MUC22: variants seen among roughly 807,000 people sequenced by gnomAD.
MUC22 encodes the protein mucin 22, also known as mucin-22.
MUC22 carries 24 observed loss-of-function variants against 40.3 expected under a neutral mutation model. The ratio of observed to expected loss-of-function variants is 0.60; its 90% CI spans 0.43 to 0.84. The LOEUF (loss-of-function observed/expected upper bound fraction) is 0.84. MUC22 is among the 40% of genes least tolerant of loss of function. The probability of loss-of-function intolerance (pLI) is 0.00; values close to 1 mark genes in which losing one functional copy is unlikely to be tolerated. For synonymous variants in MUC22, 765 were observed against 844.5 expected, an observed-to-expected ratio of 0.91 and a Z score of 1.63; for missense variants, 1,926 against 2,130.7, an observed-to-expected ratio of 0.90 and a Z score of 1.89.
chr6:31,034,651 G>A (rs1265240499), intron 3 of MUC22, 21 bp from the exon 4 acceptor site: 8 of 1,514,322 alleles, frequency 5.3e-6, no homozygotes, highest in African/African-American at 1.4e-5. Flanking sequence ...ATTTATCAAT[G>A]TATTTATTTT....
At chr6:31,028,747 A>G in exon 2 of MUC22, 1 of 1,531,906 alleles carries the variant, frequency 6.5e-7, no homozygotes, top group Non-Finnish European at 8.7e-7. Context: ...CTCTGAGACC[A>G]CTACAGCCTC....
exon 2 of MUC22, chr6:31,029,331 C>G: frequency 6.5e-7 from 1 of 1,530,696 alleles, no homozygotes; most frequent in Non-Finnish European, 8.7e-7. Context: ...CAGTCTATAC[C>G]ACAGGCTCTG....
chr6:31,029,375 C>T (rs201785174), exon 2 of MUC22: 1 of 1,535,280 alleles, frequency 6.5e-7, no homozygotes, highest in Non-Finnish European at 8.7e-7. Context: ...GGCTCTGAGA[C>T]AACCACAGTC....
At chr6:31,010,825 A>C (rs1302238225) in intron 1 of MUC22, 49 bp downstream of exon 1, 2 of 701,758 alleles carry the variant, frequency 2.8e-6, no homozygotes, top group African/African-American at 3.5e-5. Context: ...AGGCCACATA[A>C]GCCCTGAAGG....
exon 2 of MUC22, chr6:31,027,787 A>C: frequency 4.6e-6 from 7 of 1,532,202 alleles, no homozygotes; most frequent in Non-Finnish European, 5.2e-6. Flanking sequence ...CTCTGAGAAC[A>C]CTACAGTCTC....
At chr6:31,027,875 T>A in exon 2 of MUC22, 1 of 1,529,326 alleles carries the variant, frequency 6.5e-7, no homozygotes, top group Non-Finnish European at 8.7e-7. Flanking sequence ...GGCTCTGAGA[T>A]GACTACAGTC....
chr6:31,026,381 TCAC>T lies in MUC22; in HGVS notation c.958_960del (p.Thr320del). 7 of 1,499,166 alleles carry T rather than the reference TCAC, an allele frequency of 4.7e-6. 2 individuals are homozygous for T. Among genetic ancestry groups the T allele is most frequent in the Non-Finnish European group, 6.2e-6 (7 of 1,126,392 alleles). The allele number at this position is 1,499,166 out of a possible 1,614,324, so 92.9% of individuals were successfully genotyped here. A position where few individuals can be genotyped will look rare whatever the true frequency, so the allele number is the denominator to read the frequency against. On this transcript the variant is annotated inframe_deletion, in exon 2 of 4. Coordinates refer to ENST00000561890, the Ensembl canonical transcript of MUC22. ...ATAGTCTCTATTTCAGGTTCTGAGA[TCAC>T]CACCACCTCTACGGCAGGATCCGAG... is the stretch of plus-strand genomic sequence containing the variant.
Position 31,021,858 on chromosome 6 carries a change from A to C in MUC22, c.71-3644A>C, listed in dbSNP as rs571246238. 1.8e-3 allele frequency among the ~76,000 whole-genome samples: 268 copies of C among 152,094 alleles called. 2 individuals carry two copies. The highest frequency in any genetic ancestry group is 6.1e-3 in the African/African-American group (254 of 41,502). ...GCAACCTGCTTGGGTCGTTTTCCACACTGTGGAAACTTTGTTCTTTTGCTC... is the reference window on the plus strand; with the variant it reads ...GCAACCTGCTTGGGTCGTTTTCCACCCTGTGGAAACTTTGTTCTTTTGCTC... On this transcript the variant is annotated intron_variant, in intron 1 of 3. Coordinates refer to ENST00000561890, the Ensembl canonical transcript of MUC22.
chr6:31,007,906 C>A (rs1252656804), upstream of MUC22, among the ~76,000 whole-genome samples: 1 of 152,214 alleles, frequency 6.6e-6, no homozygotes, highest in Non-Finnish European at 1.5e-5. This position sits in a 1 kb window ranked among gnomAD's most constrained non-coding sequence, Gnocchi z 4.0. Context: ...GAGCAACCTG[C>A]TCTTAACTCA....
intron 1 of MUC22, among the ~76,000 whole-genome samples, chr6:31,014,501 C>T (rs1039156491): frequency 6.6e-6 from 1 of 152,122 alleles, no homozygotes; most frequent in Non-Finnish European, 1.5e-5. Flanking sequence ...AAATTCTTAT[C>T]TTTTTTCTGG....
chr6:31,024,743 A>G (rs1581640813), intron 1 of MUC22, among the ~76,000 whole-genome samples: 2 of 152,322 alleles, frequency 1.3e-5, no homozygotes, highest in South Asian at 2.1e-4. Flanking sequence ...TTCAGTAACT[A>G]CATTCCAGCC....
rs577049747 is a variant in MUC22 at position 31,019,022 on chromosome 6, T to A, written c.71-6480T>A. On this transcript the variant is annotated intron_variant, in intron 1 of 3. Transcript: ENST00000561890. ...TAAATACAATGTATATTTAAATGAC[T>A]TCCAGTTTCACGTCTTTTGATCTGA... 3.3e-5 allele frequency among the ~76,000 whole-genome samples: 5 copies of A among 152,360 alleles called. No homozygotes were observed. The South Asian group carries it at 1.0e-3, about 32-fold the overall frequency.
chr6:31,008,068 G>A (rs1763623768), upstream of MUC22, among the ~76,000 whole-genome samples: 1 of 152,218 alleles, frequency 6.6e-6, no homozygotes. Flanking sequence ...GTTGGGAACA[G>A]GCAGTCTGGT....
intron 1 of MUC22, among the ~76,000 whole-genome samples, chr6:31,019,131 A>G (rs966508252): frequency 1.3e-5 from 2 of 152,228 alleles, no homozygotes; most frequent in African/African-American, 4.8e-5. Flanking sequence ...TCAAAGTCTA[A>G]TATTTCCAAC....
At chr6:31,031,346 T>C (rs1339503276) in intron 2 of MUC22, among the ~76,000 whole-genome samples, 1 of 152,168 alleles carries the variant, frequency 6.6e-6, no homozygotes, top group African/African-American at 2.4e-5. Context: ...TGGTAGATGA[T>C]GTCACCTCTG....
intron 1 of MUC22, among the ~76,000 whole-genome samples, chr6:31,013,686 C>A (rs963920307): frequency 6.6e-6 from 1 of 152,106 alleles, no homozygotes; most frequent in Non-Finnish European, 1.5e-5. Context: ...TATTTAGAGA[C>A]AAGATCTCAC....
exon 2 of MUC22, chr6:31,027,429 C>G (rs1323568599): frequency 1.3e-6 from 2 of 1,531,654 alleles, no homozygotes; most frequent in Non-Finnish European, 1.7e-6. Context: ...CAGAGACCAC[C>G]ACCACCTGTA....
chr6:31,021,031 G>C (rs1764679422), intron 1 of MUC22, among the ~76,000 whole-genome samples: 1 of 103,288 alleles, frequency 9.7e-6, no homozygotes, highest in Non-Finnish European at 2.2e-5. Flanking sequence ...TGTGCGGCCG[G>C]AGCCTCCCCG....
upstream of MUC22, among the ~76,000 whole-genome samples, chr6:31,008,591 C>T (rs1425104831): frequency 2.7e-5 from 4 of 150,776 alleles, no homozygotes; most frequent in East Asian, 1.9e-4. Context: ...CTCTGTCACC[C>T]GGGCTGGAGT....
Sources: allele counts gnomAD v4.1 joint callset (sites outside exome capture counted in the v4.1 genomes callset), GRCh38; gene constraint gnomAD v4.1.1; non-coding constraint Gnocchi (gnomAD v3.1); transcripts MANE v1.5; gene names NCBI Gene and HGNC (gene_info 2026-07-23, HGNC 2026-07-21).